Variants in FBLN1 observed in about 807,000 individuals in gnomAD.
FBLN1 encodes fibulin 1.
Under a neutral mutation model 89.7 loss-of-function variants are expected in FBLN1, and 34 were observed. That is an observed-to-expected ratio of 0.38 (90% CI 0.29 to 0.50). The LOEUF (loss-of-function observed/expected upper bound fraction) is 0.50, where lower values mean the gene tolerates loss of function less well. Among genes scored for constraint, FBLN1 ranks in the 20% least tolerant of loss-of-function variants. The pLI, the probability that FBLN1 is intolerant of heterozygous loss-of-function variation, is 0.92. For synonymous variants in FBLN1, 393 were observed against 391.3 expected (o/e 1.00, Z -0.05); for missense variants, 777 against 988.1 (o/e 0.79, Z 2.86).
Position 45,600,822 on chromosome 22 carries a change from C to A in FBLN1, c.*376C>A. On this transcript the variant is annotated 3_prime_UTR_variant, in exon 17 of 17. Transcript: ENST00000327858. ...CTTGCCCTGATTGTATGAAATTTGA[C>A]ATTTTGGCACTTTTTTTTTTTTTTT... is the stretch of plus-strand genomic sequence containing the variant. 2 of 296,848 alleles carry A rather than the reference C, an allele frequency of 6.7e-6. No individual in the cohort carries two copies. The highest frequency in any genetic ancestry group is 2.2e-5 in the African/African-American group (1 of 44,678). The allele number at this position is 296,848 out of a possible 1,614,324, so 18.4% of individuals were successfully genotyped here. A position where few individuals can be genotyped will look rare whatever the true frequency, so the allele number is the denominator to read the frequency against.
intron 11 of FBLN1, among the ~76,000 whole-genome samples, chr22:45,544,365 G>C (rs1198169475): frequency 6.6e-6 from 1 of 152,154 alleles, no homozygotes; most frequent in Non-Finnish European, 1.5e-5. Context: ...GGCATTACAG[G>C]CGTGAGCCAC....
chr22:45,522,984 C>T (rs2088270617), intron 2 of FBLN1: 2 of 542,490 alleles, frequency 3.7e-6, no homozygotes, highest in African/African-American at 3.7e-5. Context: ...ATGCAGAATG[C>T]AAAGAAAGTA....
Position 45,531,347 on chromosome 22 carries a change from C to T in FBLN1, c.544+23C>T, listed in dbSNP as rs765055004. ...GAGGTGAGACTCGGGCGTCTCCCAT[C>T]AGTTGGTATTTAAACAAACCCCAAG... On this transcript the variant is annotated intron_variant, in intron 5 of 16. Coordinates refer to ENST00000327858, the MANE Select transcript of FBLN1 (RefSeq NM_006486.3). The surrounding 1 kb of genome is among the most constrained non-coding windows in gnomAD (Gnocchi z 4.9). 1.2e-6 allele frequency: 2 copies of T among 1,610,772 alleles called. No homozygotes were observed. The highest frequency in any genetic ancestry group is 4.5e-5 in the East Asian group (2 of 44,840).
intron 14 of FBLN1, chr22:45,564,935 G>A: frequency 6.2e-7 from 1 of 1,614,148 alleles, no homozygotes. Flanking sequence ...CAAGTAAAGA[G>A]GACTGCAGGG....
chr22:45,585,612 C>T (rs3788664), intron 16 of FBLN1, among the ~76,000 whole-genome samples: 54,462 of 151,948 alleles, frequency 0.36, 11,645 homozygotes, highest in Admixed American at 0.52. Flanking sequence ...ACCCCGGGGG[C>T]CACACCCTGG....
intron 16 of FBLN1, among the ~76,000 whole-genome samples, chr22:45,595,348 C>T (rs1405305250): frequency 6.6e-6 from 1 of 152,088 alleles, no homozygotes; most frequent in Non-Finnish European, 1.5e-5. Flanking sequence ...TGTGTGCAGC[C>T]GTACAGTCTG....
At chr22:45,512,672 G>A (rs376883346) in intron 1 of FBLN1, among the ~76,000 whole-genome samples, 3 of 152,220 alleles carry the variant, frequency 2.0e-5, no homozygotes, top group African/African-American at 7.2e-5. Flanking sequence ...CCAGGGTGGG[G>A]CTGGACCCCA....
intron 1 of FBLN1, among the ~76,000 whole-genome samples, chr22:45,505,136 C>T (rs1051483735): frequency 1.3e-5 from 2 of 152,146 alleles, no homozygotes; most frequent in Non-Finnish European, 2.9e-5. Context: ...CGAGAGGAGC[C>T]GCCTGTCTGT....
At chr22:45,542,486 AC>A (rs1332084659) in intron 10 of FBLN1, among the ~76,000 whole-genome samples, 1 of 151,326 alleles carries the variant, frequency 6.6e-6, no homozygotes, top group Non-Finnish European at 1.5e-5. Flanking sequence ...CACTGGCACC[AC>A]CCCCCTGTGT....
chr22:45,551,780 G>A (rs1046269773), intron 14 of FBLN1, among the ~76,000 whole-genome samples: 6 of 152,218 alleles, frequency 3.9e-5, no homozygotes, highest in African/African-American at 7.2e-5. Context: ...AAAGTTCGAT[G>A]GCCTTGGCTG....
intron 14 of FBLN1, among the ~76,000 whole-genome samples, chr22:45,564,410 C>G (rs554222363): frequency 2.9e-4 from 44 of 152,358 alleles, no homozygotes; most frequent in African/African-American, 1.1e-3. Flanking sequence ...CTAATTTAGT[C>G]CTTGCATGCA....
rs184791256 is a variant in FBLN1, at chr22:45,544,110, G to A, written c.1321+584G>A. ...TAACTTCTTTTTTTTTTTTTGAGACGGAGTCTCGCTCTGTCACCCAGGCTG... is the reference window on the plus strand; with the variant it reads ...TAACTTCTTTTTTTTTTTTTGAGACAGAGTCTCGCTCTGTCACCCAGGCTG... On this transcript the variant is annotated intron_variant, in intron 11 of 16. Transcript: ENST00000327858. Among the ~76,000 whole-genome samples, 27 of 151,130 alleles carry A rather than the reference G, an allele frequency of 1.8e-4. No homozygotes were observed. The South Asian group carries it at 5.0e-3, about 28-fold the overall frequency.
At chr22:45,520,088 T>TA (rs368958018) in intron 2 of FBLN1, among the ~76,000 whole-genome samples, 81 of 152,306 alleles carry the variant, frequency 5.3e-4, no homozygotes, top group African/African-American at 1.9e-3. Context: ...GAGAATCGCT[T>TA]GAACCCGGGA....
At chr22:45,544,918 G>A (rs2088607147) in intron 11 of FBLN1, among the ~76,000 whole-genome samples, 1 of 152,230 alleles carries the variant, frequency 6.6e-6, no homozygotes, top group South Asian at 2.1e-4. Flanking sequence ...GTTCTGAGCT[G>A]AGCAGACACT....
At chr22:45,543,247 C>T (rs1260426645) in intron 10 of FBLN1, among the ~76,000 whole-genome samples, 154 bp from the exon 11 acceptor site, 1 of 151,926 alleles carries the variant, frequency 6.6e-6, no homozygotes, top group East Asian at 1.9e-4. Flanking sequence ...GCCTAGGAGA[C>T]AGAGCGAGAC....
At chr22:45,552,623 A>G (rs1389365569) in intron 14 of FBLN1, among the ~76,000 whole-genome samples, 1 of 152,162 alleles carries the variant, frequency 6.6e-6, no homozygotes, top group Non-Finnish European at 1.5e-5. Flanking sequence ...GTGGTTAACA[A>G]CTCAGCAAGA....
chr22:45,547,001 A>C (rs1012523095), intron 11 of FBLN1, 84 bp from the exon 12 acceptor site: 5 of 1,602,968 alleles, frequency 3.1e-6, no homozygotes, highest in Non-Finnish European at 4.3e-6. Flanking sequence ...TGGAGAGGAG[A>C]TTTTCTGTTC....
At chr22:45,547,031 G>A in intron 11 of FBLN1, 54 bp from the exon 12 acceptor site, 4 of 1,612,892 alleles carry the variant, frequency 2.5e-6, no homozygotes, top group Non-Finnish European at 3.4e-6. Flanking sequence ...GAGGGCTACT[G>A]TGGAGGCAGG....
intron 7 of FBLN1, among the ~76,000 whole-genome samples, chr22:45,534,320 A>AAAAAAAAAAAAAG (rs751085187): frequency 1.0e-5 from 1 of 95,328 alleles, no homozygotes; most frequent in Non-Finnish European, 2.3e-5. Flanking sequence ...AAAAAAAAAA[A>AAAAAAAAAAAAAG]GCAAAAACAA....
Sources: gnomAD v4.1 joint callset for allele counts (sites outside exome capture counted in the v4.1 genomes callset) on GRCh38, gnomAD v4.1.1 for gene constraint, Gnocchi (gnomAD v3.1) non-coding constraint, MANE v1.5 for transcripts, NCBI Gene and HGNC (gene_info 2026-07-23, HGNC 2026-07-21) for gene names.